Variants in FOXN3 observed in about 807,000 individuals in gnomAD.
The protein encoded by FOXN3 is forkhead box N3.
Under a neutral mutation model 38.4 loss-of-function variants are expected in FOXN3, and 7 were observed. The ratio of observed to expected loss-of-function variants is 0.18; its 90% CI spans 0.10 to 0.34. FOXN3 has a LOEUF of 0.34. Ranked by LOEUF, FOXN3 falls within the 10% of genes least tolerant of loss-of-function variation. The probability of loss-of-function intolerance (pLI) is 1.00; values close to 1 mark genes in which losing one functional copy is unlikely to be tolerated. For synonymous variants in FOXN3, 230 were observed against 242.2 expected, an observed-to-expected ratio of 0.95 and a Z score of 0.47; for missense variants, 456 against 613.4, an observed-to-expected ratio of 0.74 and a Z score of 2.71.
chr14:89,491,239 G>C (rs1012431252), intron 1 of FOXN3, among the ~76,000 whole-genome samples: 3 of 152,086 alleles, frequency 2.0e-5, no homozygotes, highest in Non-Finnish European at 4.4e-5. Context: ...GCCTCCCAAA[G>C]TGCTGGGATT....
intron 4 of FOXN3, among the ~76,000 whole-genome samples, chr14:89,227,617 C>A (rs921897892): frequency 6.6e-6 from 1 of 152,118 alleles, no homozygotes; most frequent in Non-Finnish European, 1.5e-5. Context: ...AAGATGACCC[C>A]CAGTGAGTCA....
intron 2 of FOXN3, among the ~76,000 whole-genome samples, chr14:89,377,056 C>CAAAAAAAAAAA (rs1555422580): frequency 3.8e-5 from 2 of 52,454 alleles, no homozygotes; most frequent in Non-Finnish European, 8.8e-5. Flanking sequence ...AAAAAAAAAG[C>CAAAAAAAAAAA]TTGAGCCTAC....
In FOXN3 at chr14:89,394,370, A is replaced by AT. The variant is rs985757035; in HGVS notation, c.543+17563dup. On this transcript the variant is annotated intron_variant, in intron 2 of 5. Transcript: ENST00000557258. The stretch of plus-strand genomic sequence containing the variant: ...AGGTGCCCACCACCACGCCCAGCTA[A>AT]TTTTTTTTGTATTTTTAGTAGAGAT... Among the ~76,000 whole-genome samples the AT allele has an allele frequency of 7.3e-5, 11 of 151,200 alleles. No homozygotes were observed. The East Asian group carries it at 1.2e-3, about 16-fold the overall frequency.
intron 1 of FOXN3, among the ~76,000 whole-genome samples, chr14:89,517,354 TAA>T (rs57430361): frequency 7.7e-6 from 1 of 129,486 alleles, no homozygotes. Context: ...GACCCTGTCT[TAA>T]AAAAAAAAAA....
intron 2 of FOXN3, among the ~76,000 whole-genome samples, chr14:89,410,639 G>A (rs1033507116): frequency 2.0e-4 from 31 of 152,254 alleles, no homozygotes; most frequent in African/African-American, 4.6e-4. Context: ...TTGGGAGGCC[G>A]AGGTGGCTGA....
chr14:89,533,194 G>T (rs74078964), intron 1 of FOXN3, among the ~76,000 whole-genome samples: 4,159 of 152,290 alleles, frequency 0.027, 79 homozygotes, highest in African/African-American at 0.054. Flanking sequence ...TTCATGTCAT[G>T]CATGGAGGAA....
At chr14:89,309,952 C>A (rs1887482034) in intron 3 of FOXN3, among the ~76,000 whole-genome samples, 2 of 152,214 alleles carry the variant, frequency 1.3e-5, no homozygotes. Flanking sequence ...TGTATCTAAG[C>A]CTGACAGTAT....
At chr14:89,567,042 G>A (rs927079255) in intron 1 of FOXN3, among the ~76,000 whole-genome samples, 12 of 152,154 alleles carry the variant, frequency 7.9e-5, no homozygotes, top group African/African-American at 2.7e-4. Flanking sequence ...ACTGACCCAA[G>A]GCTACAAGTA....
At chr14:89,583,615 C>T (rs1430286937) in intron 1 of FOXN3, among the ~76,000 whole-genome samples, 2 of 152,192 alleles carry the variant, frequency 1.3e-5, no homozygotes, top group Non-Finnish European at 2.9e-5. Flanking sequence ...GGGTGGAGTG[C>T]AGTGGCACCA....
intron 1 of FOXN3, among the ~76,000 whole-genome samples, chr14:89,611,619 A>G (rs971002520): frequency 6.6e-6 from 1 of 152,118 alleles, no homozygotes; most frequent in African/African-American, 2.4e-5. Context: ...ATCCTGGTTA[A>G]CACGGTGAAA....
At chr14:89,447,568 A>C (rs544480627) in intron 1 of FOXN3, among the ~76,000 whole-genome samples, 1 of 152,176 alleles carries the variant, frequency 6.6e-6, no homozygotes, top group Non-Finnish European at 1.5e-5. Context: ...TGTGGCACCT[A>C]ATATTGCCAC....
Position 89,523,816 on chromosome 14 carries a change from G to T in FOXN3, c.-15+95212C>A, listed in dbSNP as rs528542554. On this transcript the variant is annotated intron_variant, in intron 1 of 6. Coordinates refer to the FOXN3 transcript ENST00000345097. ...CTCGCTCTGTCACCCAGGCTGGAGTGCAATGGTGCAATCTCAGCTCACTGC... is the reference window on the plus strand; with the variant it reads ...CTCGCTCTGTCACCCAGGCTGGAGTTCAATGGTGCAATCTCAGCTCACTGC... Among the ~76,000 whole-genome samples, 4 of 152,002 alleles carry T rather than the reference G, an allele frequency of 2.6e-5. No individual in the cohort carries two copies. The East Asian group carries it at 5.9e-4, about 22-fold the overall frequency.
chr14:89,300,101 A>C (rs1181425716), intron 3 of FOXN3, among the ~76,000 whole-genome samples: 1 of 152,262 alleles, frequency 6.6e-6, no homozygotes, highest in South Asian at 2.1e-4. Flanking sequence ...AACATTCAGC[A>C]GAAGTACCTC....
At chr14:89,598,686 A>G (rs184683682) in intron 1 of FOXN3, among the ~76,000 whole-genome samples, 1 of 152,250 alleles carries the variant, frequency 6.6e-6, no homozygotes, top group Non-Finnish European at 1.5e-5. Context: ...ATTTGAAGAT[A>G]GCATTCCACT....
rs569392544 is a variant in FOXN3, at chr14:89,319,418, T to C, written c.680+31254A>G. Among the ~76,000 whole-genome samples the C allele has an allele frequency of 1.6e-3, 241 of 152,298 alleles. 1 individual carries two copies. The highest frequency in any genetic ancestry group is 2.2e-3 in the Non-Finnish European group (153 of 68,020). On this transcript the variant is annotated intron_variant, in intron 3 of 5. Transcript: ENST00000557258. ...CACTTGCTTCCCCAGCTACACATCC[T>C]GCCAGCACACATGAAGTGCTGTTTG... is the stretch of plus-strand genomic sequence containing the variant.
At chr14:89,166,988 G>A (rs4899969) in intron 5 of FOXN3, among the ~76,000 whole-genome samples, 123,474 of 152,188 alleles carry the variant, frequency 0.81, 50,363 homozygotes, top group Non-Finnish European at 0.85. Context: ...ATTCATTAAA[G>A]TGAACATGTG....
chr14:89,497,904 T>C (rs1893718463), intron 1 of FOXN3, among the ~76,000 whole-genome samples: 1 of 144,742 alleles, frequency 6.9e-6, no homozygotes, highest in East Asian at 2.0e-4. Context: ...ACACTTGTTA[T>C]TTCCTGTTTG....
chr14:89,221,017 G>A (rs1391618813), intron 4 of FOXN3, among the ~76,000 whole-genome samples: 2 of 151,986 alleles, frequency 1.3e-5, no homozygotes, highest in Non-Finnish European at 1.5e-5. Context: ...GTGAGTTCAG[G>A]GATGCATTAA....
chr14:89,338,983 T>C (rs78654115), intron 3 of FOXN3, among the ~76,000 whole-genome samples: 1,864 of 152,304 alleles, frequency 0.012, 48 homozygotes, highest in African/African-American at 0.043. Context: ...AAAGCACTCG[T>C]TTAAGACAAG....
Sources: allele counts gnomAD v4.1 joint callset (sites outside exome capture counted in the v4.1 genomes callset), GRCh38; gene constraint gnomAD v4.1.1; transcripts MANE v1.5; gene names NCBI Gene and HGNC (gene_info 2026-07-23, HGNC 2026-07-21).